The following CYTH4 variants were observed in gnomAD, a reference collection of about 807,000 sequenced individuals.
CYTH4 encodes the protein cytohesin 4, also known as cytohesin-4.
In CYTH4, 22 loss-of-function variants were observed where a neutral mutation model predicts 57.5. The observed-to-expected ratio is 0.38, with a 90% CI of 0.27 to 0.55. The LOEUF is 0.55. CYTH4 is among the 20% of genes least tolerant of loss of function. The pLI is 0.74. For missense variants in CYTH4, 420 were observed against 535.6 expected (o/e 0.78, Z 2.13); for synonymous variants, 186 against 206.5 (o/e 0.90, Z 0.85).
At position 37,298,940 on chromosome 22, in the gene CYTH4, G is replaced by T. The variant is rs1365843075; in HGVS notation, c.354-286G>T. On this transcript the variant is annotated intron_variant, in intron 5 of 12. Transcript: ENST00000248901. The surrounding 1 kb of genome is among the most constrained non-coding windows in gnomAD (Gnocchi z 4.1). ...CACCAGGTGGGAAGTTACAGGAAAT[G>T]AGGAAGGCCTGGACTGAGGGCAAGG... Among the ~76,000 whole-genome samples, 1 of 152,164 alleles carries T rather than the reference G, an allele frequency of 6.6e-6. No individual in the cohort carries two copies. The highest frequency in any genetic ancestry group is 1.9e-4 in the East Asian group (1 of 5,184).
intron 1 of CYTH4, among the ~76,000 whole-genome samples, chr22:37,283,950 G>A (rs867384208): frequency 2.6e-5 from 4 of 151,930 alleles, no homozygotes; most frequent in East Asian, 1.9e-4. Context: ...TTGTCCTTTC[G>A]GGTCCTAACA....
At chr22:37,303,493 A>T in intron 8 of CYTH4, 91 bp downstream of exon 8, 1 of 1,468,986 alleles carries the variant, frequency 6.8e-7, no homozygotes, top group African/African-American at 1.4e-5. Flanking sequence ...CTCCTCTGAG[A>T]TAGACAGCCC....
chr22:37,306,141 C>G (rs1462572070), intron 8 of CYTH4, among the ~76,000 whole-genome samples: 1 of 152,114 alleles, frequency 6.6e-6, no homozygotes, highest in Non-Finnish European at 1.5e-5. Context: ...ACTTGGCAGG[C>G]CTTGAGAAAA....
Position 37,313,586 on chromosome 22 carries a change from C to A in CYTH4, c.*75C>A. 7.8e-7 allele frequency: 1 copy of A among 1,282,422 alleles called. No individual in the cohort carries two copies. Among genetic ancestry groups the A allele is most frequent in the Non-Finnish European group, 1.1e-6 (1 of 881,782 alleles). The allele number at this position is 1,282,422 out of a possible 1,614,324, so 79.4% of individuals were successfully genotyped here. A position where few individuals can be genotyped will look rare whatever the true frequency, so the allele number is the denominator to read the frequency against. On this transcript the variant is annotated 3_prime_UTR_variant, in exon 13 of 13. Transcript: ENST00000248901. The stretch of plus-strand genomic sequence containing the variant: ...CTGCAGCACCTGGAGACCCACCTCC[C>A]ACCCCAGTGCACTCTTTTGGGCCAC...
chr22:37,299,680 T>A (rs1206419774), intron 6 of CYTH4, among the ~76,000 whole-genome samples: 1 of 152,212 alleles, frequency 6.6e-6, no homozygotes, highest in Non-Finnish European at 1.5e-5. Flanking sequence ...AGCTTCTAAT[T>A]AGGGTACTGT....
chr22:37,303,255 C>T lies in CYTH4; in HGVS notation c.549C>T (p.Asp183=), dbSNP rs1929253545. ...LCNPGVFQST[D]TCYVLSFSII... is the part of the protein sequence containing the mutation. ...CTGTGACCGCTGTCCCCTCCGCAGACACCTGCTACGTGTTGTCCTTCTCCA... is the reference window on the plus strand; with the variant it reads ...CTGTGACCGCTGTCCCCTCCGCAGATACCTGCTACGTGTTGTCCTTCTCCA... The change falls in exon 8 of 13, where the codon GAC becomes GAT. Residue 183 remains aspartate, a splice_region_variant and synonymous_variant. Transcript: ENST00000248901. 1 of 1,614,128 alleles carries T rather than the reference C, an allele frequency of 6.2e-7. No individual in the cohort carries two copies. Among genetic ancestry groups the T allele is most frequent in the African/African-American group, 1.3e-5 (1 of 75,058 alleles).
chr22:37,300,008 C>A, intron 6 of CYTH4: 2 of 714,338 alleles, frequency 2.8e-6, no homozygotes, highest in South Asian at 3.0e-5. Flanking sequence ...AATAAATAAA[C>A]CTTCCTGTGC....
rs1928916259 is a variant in CYTH4 at position 37,295,367 on chromosome 22, A to G, written c.168-632A>G. On this transcript the variant is annotated intron_variant, in intron 3 of 12. Coordinates refer to ENST00000248901, the MANE Select transcript of CYTH4 (RefSeq NM_013385.5). The surrounding 1 kb of genome is among the most constrained non-coding windows in gnomAD (Gnocchi z 4.1). ...CCTGTCCAGCCTCCTCCCCTCCCCC[A>G]CCACACACATGCACACACACACACG... is the stretch of plus-strand genomic sequence containing the variant. Among the ~76,000 whole-genome samples, 1 of 149,506 alleles carries G rather than the reference A, an allele frequency of 6.7e-6. No individual in the cohort carries two copies. Among genetic ancestry groups the G allele is most frequent in the Non-Finnish European group, 1.5e-5 (1 of 67,336 alleles).
intron 1 of CYTH4, 54 bp from the exon 2 acceptor site, chr22:37,292,567 C>T: frequency 6.3e-7 from 1 of 1,583,086 alleles, no homozygotes; most frequent in South Asian, 1.1e-5. Context: ...GAAGTGAGGG[C>T]AAGTGGGTGT....
chr22:37,285,344 G>A lies in CYTH4; in HGVS notation c.19+2756G>A, dbSNP rs551283300. Among the ~76,000 whole-genome samples, 15 of 151,128 alleles carry A rather than the reference G, an allele frequency of 9.9e-5. No individual in the cohort carries two copies. The East Asian group carries it at 2.5e-3, about 25-fold the overall frequency. On this transcript the variant is annotated intron_variant, in intron 1 of 12. Coordinates refer to ENST00000248901, the MANE Select transcript of CYTH4 (RefSeq NM_013385.5). ...GCACAGAGATAAGTGAGAAGGAAAC[G>A]GGGTGTGTGGTGGTGGTGGTGGTGG...
At chr22:37,283,811 G>T (rs561935792) in intron 1 of CYTH4, among the ~76,000 whole-genome samples, 1 of 152,082 alleles carries the variant, frequency 6.6e-6, no homozygotes, top group African/African-American at 2.4e-5. Context: ...GGGGCACCTG[G>T]TTGGCACAGG....
chr22:37,303,890 T>C lies in CYTH4; in HGVS notation c.696+488T>C, dbSNP rs1929291559. 2.0e-5 allele frequency among the ~76,000 whole-genome samples: 3 copies of C among 152,144 alleles called. No individual in the cohort carries two copies. In the South Asian group the frequency reaches 6.2e-4, roughly 32 times the overall value. ...ACCAACCTCCGGTCGCTTCCTCAAA[T>C]AGCCTGCACCCCTGCCACACCATGC... On this transcript the variant is annotated intron_variant, in intron 8 of 12. Transcript: ENST00000248901.
In CYTH4 at chr22:37,314,307, A is replaced by G; in HGVS notation, c.*796A>G. ...TCAACGTTGCTGGGGAGAGAAAAGC[A>G]GTATAGACTCCACCTTCCAGGATGT... On this transcript the variant is annotated 3_prime_UTR_variant, in exon 13 of 13. Transcript: ENST00000248901. 1 of 398,748 alleles carries G rather than the reference A, an allele frequency of 2.5e-6. No homozygotes were observed. The highest frequency in any genetic ancestry group is 3.6e-5 in the East Asian group (1 of 28,082). The allele number at this position is 398,748 out of a possible 1,614,324, so 24.7% of individuals were successfully genotyped here. A position where few individuals can be genotyped will look rare whatever the true frequency, so the allele number is the denominator to read the frequency against.
At chr22:37,291,159 A>G (rs1452432469) in intron 1 of CYTH4, among the ~76,000 whole-genome samples, 3 of 152,138 alleles carry the variant, frequency 2.0e-5, no homozygotes, top group Non-Finnish European at 4.4e-5. Flanking sequence ...GCTTAAAGAG[A>G]CTCAGAATAA....
rs1415612205 is a variant in CYTH4 at position 37,298,825 on chromosome 22, G to A, written c.354-401G>A. Among the ~76,000 whole-genome samples the A allele has an allele frequency of 6.6e-6, 1 of 152,168 alleles. No homozygotes were observed. The highest frequency in any genetic ancestry group is 1.5e-5 in the Non-Finnish European group (1 of 68,022). On this transcript the variant is annotated intron_variant, in intron 5 of 12. Transcript: ENST00000248901. The surrounding 1 kb of genome is among the most constrained non-coding windows in gnomAD (Gnocchi z 4.1). ...GGGCACCTTCCTGCTTCAGGAGCTG[G>A]GGAGAGGGAGGAGATGGGGGAGGTC... is the stretch of plus-strand genomic sequence containing the variant.
At chr22:37,306,951 C>A (rs560446661) in intron 8 of CYTH4, among the ~76,000 whole-genome samples, 27 of 152,328 alleles carry the variant, frequency 1.8e-4, no homozygotes, top group Middle Eastern at 3.4e-3. Context: ...GAGTCATTCA[C>A]CCCCTCCTGG....
rs140175608 is a variant in CYTH4 at position 37,314,521 on chromosome 22, G to GGA, written c.*1020_*1021dup. The GGA allele has an allele frequency of 2.5e-6, 1 of 398,154 alleles. No homozygotes were observed. Among genetic ancestry groups the GGA allele is most frequent in the East Asian group, 3.6e-5 (1 of 28,066 alleles). 24.7% of individuals were successfully genotyped at this position (398,154 alleles called of 1,614,324 possible). On this transcript the variant is annotated 3_prime_UTR_variant, in exon 13 of 13. Transcript: ENST00000248901. ...AGAAAGTAACACAGAGCTCATGCTTGGAGAGAGAGAGTCTTGGCCATGGCT... is the reference window on the plus strand; with the variant it reads ...AGAAAGTAACACAGAGCTCATGCTTGGAGAGAGAGAGAGTCTTGGCCATGGCT...
rs1407192155 is a variant in CYTH4 at position 37,311,378 on chromosome 22, A to G, written c.886-78A>G. On this transcript the variant is annotated intron_variant, in intron 10 of 12. Coordinates refer to ENST00000248901, the MANE Select transcript of CYTH4 (RefSeq NM_013385.5). This position sits in a 1 kb window ranked among gnomAD's most constrained non-coding sequence, Gnocchi z 4.4. Reference sequence around the variant, plus strand: ...GCACGCTCCTCTTTGAGTTTGGGGAACCCCACACGTTCACACCCTGCCTTG... The same window carrying G: ...GCACGCTCCTCTTTGAGTTTGGGGAGCCCCACACGTTCACACCCTGCCTTG... 1.6e-6 allele frequency: 2 copies of G among 1,280,846 alleles called. No homozygotes were observed. Among genetic ancestry groups the G allele is most frequent in the Non-Finnish European group, 2.3e-6 (2 of 881,516 alleles). 79.3% of individuals were successfully genotyped at this position (1,280,846 alleles called of 1,614,324 possible). A position where few individuals can be genotyped will look rare whatever the true frequency, so the allele number is the denominator to read the frequency against.
chr22:37,287,266 G>A (rs1405659134), intron 1 of CYTH4, among the ~76,000 whole-genome samples: 6 of 152,066 alleles, frequency 3.9e-5, no homozygotes, highest in Non-Finnish European at 2.9e-5. Context: ...TGGGGACCAG[G>A]AAGGTCGGCC....
Sources: allele counts gnomAD v4.1 joint callset (sites outside exome capture counted in the v4.1 genomes callset), GRCh38; gene constraint gnomAD v4.1.1; non-coding constraint Gnocchi (gnomAD v3.1); transcripts MANE v1.5; gene names NCBI Gene and HGNC (gene_info 2026-07-23, HGNC 2026-07-21).